The following PEDS1 variants were observed in gnomAD, a reference collection of about 807,000 sequenced individuals.
PEDS1 encodes the protein plasmanylethanolamine desaturase 1.
A neutral mutation model predicts 35.2 loss-of-function variants in PEDS1; 14 were observed. That is an observed-to-expected ratio of 0.40 (90% CI 0.26 to 0.62). The LOEUF (loss-of-function observed/expected upper bound fraction) is 0.62. Ranked by LOEUF, PEDS1 falls within the 20% of genes least tolerant of loss-of-function variation. The probability of loss-of-function intolerance (pLI) is 0.44; values close to 1 mark genes in which losing one functional copy is unlikely to be tolerated. For synonymous variants in PEDS1, 152 were observed against 152.0 expected, an observed-to-expected ratio of 1.00 and a Z score of 0.00; for missense variants, 260 against 367.8, an observed-to-expected ratio of 0.71 and a Z score of 2.40.
chr20:50,143,823 G>A, intron 1 of PEDS1, among the ~76,000 whole-genome samples: 4 of 151,714 alleles, frequency 2.6e-5, no homozygotes, highest in Admixed American at 6.6e-5. Context: ...TCAGCCTCCC[G>A]AGTAGCTGGG....
chr20:50,151,429 G>A, intron 1 of PEDS1: 1 of 597,412 alleles, frequency 1.7e-6, no homozygotes, highest in Non-Finnish European at 2.9e-6. Flanking sequence ...CTGAAAGTAG[G>A]TAGGGTTCAC....
At chr20:50,142,060 G>A (rs1393120804) in intron 2 of PEDS1, among the ~76,000 whole-genome samples, 1 of 152,164 alleles carries the variant, frequency 6.6e-6, no homozygotes, top group Non-Finnish European at 1.5e-5. Context: ...GCCTGGGAGT[G>A]GAGATAGTGT....
At position 50,123,215 on chromosome 20, in the gene PEDS1, T is replaced by G. The variant is rs2081065859; in HGVS notation, c.*1843A>C. Reference sequence around the variant, plus strand: ...TGTCTTCCATTTTTCCTTAGCTCACTCTAGTCCAGCCACAGTGGCTGCCTC... The same window carrying G: ...TGTCTTCCATTTTTCCTTAGCTCACGCTAGTCCAGCCACAGTGGCTGCCTC... On this transcript the variant is annotated 3_prime_UTR_variant, in exon 6 of 6. Transcript: ENST00000371652. 1 of 151,722 alleles carries G rather than the reference T, an allele frequency of 6.6e-6. No homozygotes were observed. The highest frequency in any genetic ancestry group is 6.6e-5 in the Admixed American group (1 of 15,234). 9.4% of individuals were successfully genotyped at this position (151,722 alleles called of 1,614,324 possible).
At chr20:50,132,501 GCTCACTCC>G (rs1419021534) in intron 2 of PEDS1, among the ~76,000 whole-genome samples, 1 of 152,136 alleles carries the variant, frequency 6.6e-6, no homozygotes, top group Non-Finnish European at 1.5e-5. Flanking sequence ...ATGCAACACA[GCTCACTCC>G]CTCACCTCTT....
chr20:50,123,393 G>C lies in PEDS1; in HGVS notation c.*1665C>G, dbSNP rs909079414. On this transcript the variant is annotated 3_prime_UTR_variant, in exon 6 of 6. Coordinates refer to ENST00000371652, the MANE Select transcript of PEDS1 (RefSeq NM_199129.4). ...TGATTCTCCTGCCTCTGCCTCCCAA[G>C]TAGCTGGGATAAAGTCGTCTGCCAC... 2 of 152,160 alleles carry C rather than the reference G, an allele frequency of 1.3e-5. No individual in the cohort carries two copies. The highest frequency in any genetic ancestry group is 3.8e-4 in the East Asian group (2 of 5,198). 9.4% of individuals were successfully genotyped at this position (152,160 alleles called of 1,614,324 possible).
In PEDS1 at chr20:50,153,690, G is replaced by A. The variant is rs1156298411; in HGVS notation, c.-53C>T. 33 of 1,194,626 alleles carry A rather than the reference G, an allele frequency of 2.8e-5. No homozygotes were observed. Among genetic ancestry groups the A allele is most frequent in the Non-Finnish European group, 2.9e-5 (28 of 964,592 alleles). 74.0% of individuals were successfully genotyped at this position (1,194,626 alleles called of 1,614,324 possible). A position where few individuals can be genotyped will look rare whatever the true frequency, so the allele number is the denominator to read the frequency against. On this transcript the variant is annotated 5_prime_UTR_variant, in exon 1 of 6. Transcript: ENST00000371652. ...CTCTGCTGGCGGCGGCGGCGGCAGG[G>A]CCGCGGAACCGCGGCGAGATCACGC...
chr20:50,133,202 C>T (rs1286174193), intron 2 of PEDS1, among the ~76,000 whole-genome samples: 1 of 151,938 alleles, frequency 6.6e-6, no homozygotes, highest in Non-Finnish European at 1.5e-5. Context: ...ATGTGCAATC[C>T]TGACGTCCAG....
intron 2 of PEDS1, among the ~76,000 whole-genome samples, chr20:50,139,844 C>T (rs1452007533): frequency 6.6e-6 from 1 of 152,026 alleles, no homozygotes; most frequent in Non-Finnish European, 1.5e-5. Flanking sequence ...CCATGCCCAG[C>T]TGATTTTTGT....
intron 1 of PEDS1, among the ~76,000 whole-genome samples, chr20:50,145,607 C>T (rs1344890049): frequency 6.6e-6 from 1 of 152,008 alleles, no homozygotes; most frequent in Non-Finnish European, 1.5e-5. Flanking sequence ...AGGAGAATCG[C>T]TTGAACCCAG....
intron 2 of PEDS1, 43 bp from the exon 3 acceptor site, chr20:50,130,990 C>G: frequency 6.2e-7 from 1 of 1,614,124 alleles, no homozygotes; most frequent in Non-Finnish European, 8.5e-7. Context: ...CTGCACCCCC[C>G]CAATCAGAAT....
At chr20:50,153,475 G>T in intron 1 of PEDS1, 42 bp downstream of exon 1, 1 of 1,303,888 alleles carries the variant, frequency 7.7e-7, no homozygotes, top group East Asian at 3.1e-5. Context: ...CCGCAGCCGG[G>T]GCTGGTGACC....
intron 2 of PEDS1, among the ~76,000 whole-genome samples, chr20:50,135,653 C>A (rs1475610262): frequency 9.1e-6 from 1 of 109,824 alleles, no homozygotes; most frequent in Admixed American, 1.1e-4. Flanking sequence ...AGCAAAACTC[C>A]ATCTCAAAAA....
chr20:50,138,571 G>A (rs1162613530), intron 2 of PEDS1, among the ~76,000 whole-genome samples: 3 of 152,228 alleles, frequency 2.0e-5, no homozygotes, highest in Admixed American at 6.5e-5. Flanking sequence ...GCGCCTGCAC[G>A]CTGCCCAGCA....
At chr20:50,150,662 G>A (rs571523560) in intron 1 of PEDS1, among the ~76,000 whole-genome samples, 1 of 152,128 alleles carries the variant, frequency 6.6e-6, no homozygotes, top group African/African-American at 2.4e-5. Flanking sequence ...TTTATGGCCC[G>A]GCTATTTACT....
At chr20:50,148,175 C>A (rs1339966206) in intron 1 of PEDS1, among the ~76,000 whole-genome samples, 1 of 152,200 alleles carries the variant, frequency 6.6e-6, no homozygotes, top group African/African-American at 2.4e-5. Flanking sequence ...ATCTCAGCAC[C>A]CCTCACCACC....
In PEDS1 at chr20:50,128,318, C is replaced by A. The variant is rs2081134529; in HGVS notation, c.479-131G>T. On this transcript the variant is annotated intron_variant, in intron 4 of 5. Coordinates refer to ENST00000371652, the MANE Select transcript of PEDS1 (RefSeq NM_199129.4). This position sits in a 1 kb window ranked among gnomAD's most constrained non-coding sequence, Gnocchi z 5.2. ...AGCACCCAGGATTCTCTTCCACCCCCTGCAGGGCCGCAGGCAAGCTCAGGT... is the reference window on the plus strand; with the variant it reads ...AGCACCCAGGATTCTCTTCCACCCCATGCAGGGCCGCAGGCAAGCTCAGGT... 1.5e-5 allele frequency: 17 copies of A among 1,152,988 alleles called. No individual in the cohort carries two copies. Among genetic ancestry groups the A allele is most frequent in the Non-Finnish European group, 2.0e-5 (16 of 819,296 alleles). The allele number at this position is 1,152,988 out of a possible 1,614,324, so 71.4% of individuals were successfully genotyped here. A position where few individuals can be genotyped will look rare whatever the true frequency, so the allele number is the denominator to read the frequency against.
chr20:50,151,550 G>C (rs1373503353), intron 1 of PEDS1, among the ~76,000 whole-genome samples: 1 of 152,194 alleles, frequency 6.6e-6, no homozygotes, highest in East Asian at 1.9e-4. Flanking sequence ...CCACAGCAAA[G>C]GTCAGACTAC....
At chr20:50,139,162 C>T (rs1032101774) in intron 2 of PEDS1, among the ~76,000 whole-genome samples, 1 of 152,180 alleles carries the variant, frequency 6.6e-6, no homozygotes, top group Non-Finnish European at 1.5e-5. Flanking sequence ...ACTTCTCTGA[C>T]CTCATCCCTG....
At chr20:50,130,577 G>A (rs2147275588) in intron 3 of PEDS1, among the ~76,000 whole-genome samples, 1 of 152,310 alleles carries the variant, frequency 6.6e-6, no homozygotes, top group East Asian at 1.9e-4. Context: ...GCAAGAAGCA[G>A]CAGGGGAGAC....
Sources: allele counts gnomAD v4.1 joint callset (sites outside exome capture counted in the v4.1 genomes callset), GRCh38; gene constraint gnomAD v4.1.1; non-coding constraint Gnocchi (gnomAD v3.1); transcripts MANE v1.5; gene names NCBI Gene and HGNC (gene_info 2026-07-23, HGNC 2026-07-21).